The following EDIL3 variants were observed in gnomAD, a reference collection of about 807,000 sequenced individuals.
EDIL3 encodes the protein EGF-like repeat and discoidin I-like domain-containing protein 3.
In EDIL3, 37 loss-of-function variants were observed where a neutral mutation model predicts 67.4. The ratio of observed to expected loss-of-function variants is 0.55; its 90% CI spans 0.42 to 0.72. The LOEUF is 0.72. Among genes scored for constraint, EDIL3 ranks in the 30% least tolerant of loss-of-function variants. The pLI, the probability that EDIL3 is intolerant of heterozygous loss-of-function variation, is 0.00. For synonymous variants in EDIL3, 195 were observed against 196.3 expected (o/e 0.99, Z 0.05); for missense variants, 527 against 586.3 (o/e 0.90, Z 1.04).
At chr5:83,970,281 T>C (rs888730495) in intron 9 of EDIL3, among the ~76,000 whole-genome samples, 10 of 134,668 alleles carry the variant, frequency 7.4e-5, no homozygotes, top group African/African-American at 2.6e-4. Flanking sequence ...TATATATATA[T>C]AGTCTCTTTC....
At position 84,117,272 on chromosome 5, in the gene EDIL3, C is replaced by T. The variant is rs566093901; in HGVS notation, c.470-10442G>A. Among the ~76,000 whole-genome samples, 8 of 151,976 alleles carry T rather than the reference C, an allele frequency of 5.3e-5. No homozygotes were observed. In the East Asian group the frequency reaches 1.6e-3, roughly 30 times the overall value. The stretch of plus-strand genomic sequence containing the variant: ...GTCTCGATCTCCTGACCTCGTGATC[C>T]ACCCGCCTTGGCCTCCCAAAGTGCT... On this transcript the variant is annotated intron_variant, in intron 5 of 10. Transcript: ENST00000296591.
intron 6 of EDIL3, among the ~76,000 whole-genome samples, chr5:84,088,633 T>A (rs1167559169): frequency 1.3e-5 from 2 of 152,214 alleles, no homozygotes; most frequent in Non-Finnish European, 1.5e-5. Context: ...ACAGCCCATG[T>A]ATTATGAATT....
intron 1 of EDIL3, among the ~76,000 whole-genome samples, chr5:84,323,190 G>A (rs960112392): frequency 1.3e-5 from 2 of 151,974 alleles, no homozygotes; most frequent in African/African-American, 4.8e-5. Context: ...GTTTTATACA[G>A]AATTTAATAG....
intron 4 of EDIL3, among the ~76,000 whole-genome samples, chr5:84,158,466 C>G (rs1293525127): frequency 6.6e-6 from 1 of 151,916 alleles, no homozygotes; most frequent in Non-Finnish European, 1.5e-5. Context: ...AATTATCCTA[C>G]AAAATAGAAT....
chr5:84,214,452 T>C (rs1393812012), intron 3 of EDIL3, among the ~76,000 whole-genome samples: 1 of 151,590 alleles, frequency 6.6e-6, no homozygotes, highest in African/African-American at 2.4e-5. Context: ...CAGAATACAA[T>C]GTAAACAGTT....
chr5:84,172,547 A>T (rs776076851), intron 4 of EDIL3, among the ~76,000 whole-genome samples: 7 of 152,082 alleles, frequency 4.6e-5, no homozygotes, highest in Non-Finnish European at 1.0e-4. Flanking sequence ...ACACCACTGC[A>T]CTCCAGACTG....
At chr5:84,200,617 C>A (rs1743810351) in intron 3 of EDIL3, among the ~76,000 whole-genome samples, 1 of 151,906 alleles carries the variant, frequency 6.6e-6, no homozygotes, top group Non-Finnish European at 1.5e-5. Context: ...AAACTTGTTA[C>A]ACAATTTTGT....
chr5:84,317,014 C>T (rs1026702220), intron 1 of EDIL3, among the ~76,000 whole-genome samples: 7 of 151,846 alleles, frequency 4.6e-5, no homozygotes, highest in East Asian at 3.9e-4. Context: ...ATGACTATTG[C>T]GTAAATAATG....
intron 4 of EDIL3, among the ~76,000 whole-genome samples, chr5:84,155,501 T>C (rs1418748105): frequency 6.6e-6 from 1 of 152,224 alleles, no homozygotes; most frequent in African/African-American, 2.4e-5. Flanking sequence ...TTCATAACAT[T>C]GGAGTATTCC....
intron 1 of EDIL3, among the ~76,000 whole-genome samples, chr5:84,354,110 A>G (rs1240743063): frequency 1.7e-4 from 26 of 152,210 alleles, no homozygotes; most frequent in Admixed American, 1.6e-3. Context: ...GGACCAAATA[A>G]AATAATATCA....
intron 9 of EDIL3, among the ~76,000 whole-genome samples, chr5:83,991,640 G>A (rs572267153): frequency 2.0e-5 from 3 of 152,232 alleles, no homozygotes; most frequent in East Asian, 3.9e-4. Flanking sequence ...GTATCGTGGC[G>A]ACTTGGTACT....
chr5:84,341,334 C>T (rs80116173), intron 1 of EDIL3, among the ~76,000 whole-genome samples: 3,016 of 152,154 alleles, frequency 0.02, 53 homozygotes, highest in South Asian at 0.041. Flanking sequence ...GAGCAGTCAA[C>T]AAGACACAGA....
chr5:84,374,983 C>CT (rs914238866), intron 1 of EDIL3, among the ~76,000 whole-genome samples: 1 of 109,138 alleles, frequency 9.2e-6, no homozygotes, highest in Non-Finnish European at 2.0e-5. Flanking sequence ...TTTTTTTTTT[C>CT]TTTTTTTCAG....
At chr5:84,104,904 T>C (rs941464587) in intron 6 of EDIL3, among the ~76,000 whole-genome samples, 3 of 152,040 alleles carry the variant, frequency 2.0e-5, no homozygotes, top group African/African-American at 4.8e-5. Flanking sequence ...TGGAAAAGCA[T>C]GCTACTTATG....
intron 1 of EDIL3, among the ~76,000 whole-genome samples, chr5:84,331,710 T>C (rs1236354503): frequency 1.3e-5 from 2 of 152,206 alleles, no homozygotes; most frequent in African/African-American, 4.8e-5. Flanking sequence ...ACCTTCAAAA[T>C]ATATTTTATA....
chr5:84,204,766 C>A (rs1743922613), intron 3 of EDIL3, among the ~76,000 whole-genome samples: 1 of 149,096 alleles, frequency 6.7e-6, no homozygotes, highest in Non-Finnish European at 1.5e-5. Flanking sequence ...TATTATGCCC[C>A]TTTACAAGCA....
intron 9 of EDIL3, among the ~76,000 whole-genome samples, chr5:84,021,412 C>CAAA (rs1490971973): frequency 6.6e-6 from 1 of 151,926 alleles, no homozygotes; most frequent in African/African-American, 2.4e-5. Flanking sequence ...TTTCCATTTT[C>CAAA]ACTATTTCAA....
At chr5:83,980,964 C>G (rs1031416679) in intron 9 of EDIL3, among the ~76,000 whole-genome samples, 5 of 152,010 alleles carry the variant, frequency 3.3e-5, no homozygotes, top group Admixed American at 2.0e-4. Flanking sequence ...ACAGTAAAAA[C>G]TACAAAACAT....
At chr5:84,066,649 G>C (rs1237281002) in intron 6 of EDIL3, 43 bp from the exon 7 acceptor site, 11 of 1,580,608 alleles carry the variant, frequency 7.0e-6, no homozygotes, top group Non-Finnish European at 6.8e-6. Context: ...ATTGTTTTCA[G>C]GATAACAATA....
Sources: gnomAD v4.1 joint callset for allele counts (sites outside exome capture counted in the v4.1 genomes callset) on GRCh38, gnomAD v4.1.1 for gene constraint, MANE v1.5 for transcripts, NCBI Gene and HGNC (gene_info 2026-07-23, HGNC 2026-07-21) for gene names.